Variants in SLC25A13 observed in about 807,000 individuals in gnomAD.
SLC25A13 encodes the protein electrogenic aspartate/glutamate antiporter SLC25A13, mitochondrial.
SLC25A13 carries 70 observed loss-of-function variants against 85.5 expected under a neutral mutation model. The ratio of observed to expected loss-of-function variants is 0.82; its 90% CI spans 0.68 to 1.00. The LOEUF (loss-of-function observed/expected upper bound fraction) is 1.00. Ranked by LOEUF, SLC25A13 falls within the 50% of genes least tolerant of loss-of-function variation. The pLI is 0.00. For missense variants in SLC25A13, 765 were observed against 819.8 expected, an observed-to-expected ratio of 0.93 and a Z score of 0.82; for synonymous variants, 259 against 288.7, an observed-to-expected ratio of 0.90 and a Z score of 1.04.
intron 3 of SLC25A13, among the ~76,000 whole-genome samples, chr7:96,274,556 T>C (rs1054913994): frequency 2.0e-5 from 3 of 152,354 alleles, no homozygotes; most frequent in Non-Finnish European, 1.5e-5. Flanking sequence ...CCATTGCTTT[T>C]GGTGTTTTAG....
At chr7:96,247,582 T>C (rs1047280019) in intron 3 of SLC25A13, among the ~76,000 whole-genome samples, 8 of 152,110 alleles carry the variant, frequency 5.3e-5, no homozygotes, top group Non-Finnish European at 1.5e-5. Flanking sequence ...TAATAAGGAC[T>C]AGGGAGAATG....
At chr7:96,181,965 G>A (rs947168033) in intron 11 of SLC25A13, among the ~76,000 whole-genome samples, 1 of 152,126 alleles carries the variant, frequency 6.6e-6, no homozygotes, top group African/African-American at 2.4e-5. Context: ...TGTACATAAA[G>A]GTGATAATAC....
chr7:96,246,605 T>A (rs750995755), intron 3 of SLC25A13, among the ~76,000 whole-genome samples: 1 of 152,224 alleles, frequency 6.6e-6, no homozygotes, highest in Non-Finnish European at 1.5e-5. Flanking sequence ...ATCAAAATTA[T>A]ACTGATTCCT....
intron 13 of SLC25A13, among the ~76,000 whole-genome samples, chr7:96,152,772 T>C (rs1224826379): frequency 6.6e-6 from 1 of 152,060 alleles, no homozygotes; most frequent in Non-Finnish European, 1.5e-5. Flanking sequence ...ACACCGGTGG[T>C]ACAGCAATCC....
At chr7:96,228,312 C>A (rs1796393643) in intron 4 of SLC25A13, among the ~76,000 whole-genome samples, 1 of 152,200 alleles carries the variant, frequency 6.6e-6, no homozygotes. Flanking sequence ...AAACATATAA[C>A]CCTCAGAGGT....
intron 13 of SLC25A13, among the ~76,000 whole-genome samples, chr7:96,163,397 C>T (rs1011704970): frequency 1.3e-5 from 2 of 152,184 alleles, no homozygotes; most frequent in Non-Finnish European, 2.9e-5. Context: ...TCCCGGTTGA[C>T]CCTTCAGATG....
At chr7:96,243,253 A>G (rs1040704709) in intron 3 of SLC25A13, among the ~76,000 whole-genome samples, 1 of 152,168 alleles carries the variant, frequency 6.6e-6, no homozygotes, top group Non-Finnish European at 1.5e-5. Context: ...GGTGTGAGCA[A>G]CCACACCGGC....
chr7:96,311,269 A>C (rs1280501463), intron 1 of SLC25A13, among the ~76,000 whole-genome samples: 1 of 152,224 alleles, frequency 6.6e-6, no homozygotes, highest in Non-Finnish European at 1.5e-5. Context: ...CACAAGAAAC[A>C]ACCAAGAATT....
At chr7:96,162,576 C>G (rs780437182) in intron 13 of SLC25A13, among the ~76,000 whole-genome samples, 6 of 151,890 alleles carry the variant, frequency 4.0e-5, no homozygotes, top group Non-Finnish European at 7.4e-5. Context: ...AAATGGAAAA[C>G]AAAACAAAAC....
intron 1 of SLC25A13, among the ~76,000 whole-genome samples, chr7:96,304,814 A>G (rs1162415500): frequency 6.6e-6 from 1 of 152,190 alleles, no homozygotes; most frequent in Non-Finnish European, 1.5e-5. Flanking sequence ...AGGAGAAAAC[A>G]CCCAATAAAT....
chr7:96,184,519 CTG>C, intron 10 of SLC25A13, 84 bp from the exon 11 acceptor site: 1 of 1,293,370 alleles, frequency 7.7e-7, no homozygotes, highest in Middle Eastern at 1.8e-4. Context: ...AAGGACAAGA[CTG>C]AGAAAAGAAA....
intron 4 of SLC25A13, among the ~76,000 whole-genome samples, chr7:96,222,391 A>G (rs6973045): frequency 4.6e-4 from 70 of 152,280 alleles, no homozygotes; most frequent in African/African-American, 1.7e-3. Flanking sequence ...ATCAGAACCA[A>G]TTCCCTTTCA....
intron 14 of SLC25A13, among the ~76,000 whole-genome samples, chr7:96,146,352 T>C (rs1792787533): frequency 6.6e-6 from 1 of 151,786 alleles, no homozygotes; most frequent in African/African-American, 2.4e-5. Context: ...CCTAGATTTG[T>C]GTATTGATGA....
intron 15 of SLC25A13, among the ~76,000 whole-genome samples, chr7:96,127,291 G>A (rs1791769292): frequency 2.0e-5 from 3 of 152,100 alleles, no homozygotes; most frequent in South Asian, 4.1e-4. Context: ...CAGGACCCCC[G>A]CTTCGGTCTT....
chr7:96,322,051 C>A lies in SLC25A13; in HGVS notation c.-95G>T. 1 of 1,424,336 alleles carries A rather than the reference C, an allele frequency of 7.0e-7. No homozygotes were observed. The highest frequency in any genetic ancestry group is 9.5e-7 in the Non-Finnish European group (1 of 1,055,144). The allele number at this position is 1,424,336 out of a possible 1,614,324, so 88.2% of individuals were successfully genotyped here. On this transcript the variant is annotated 5_prime_UTR_variant, in exon 1 of 18. Coordinates refer to ENST00000265631, the MANE Select transcript of SLC25A13 (RefSeq NM_014251.3). ...TCACTTCTAGTCCCGGCGGCGGCGG[C>A]GGTGGGGGCGGCGATACGGCCAGGC... is the stretch of plus-strand genomic sequence containing the variant.
intron 4 of SLC25A13, among the ~76,000 whole-genome samples, chr7:96,209,461 A>C (rs1795606438): frequency 2.0e-5 from 3 of 152,114 alleles, no homozygotes; most frequent in African/African-American, 4.8e-5. Context: ...TTAGGAAAAA[A>C]TTTGACACAC....
At chr7:96,262,753 A>G (rs1030362229) in intron 3 of SLC25A13, among the ~76,000 whole-genome samples, 3 of 152,202 alleles carry the variant, frequency 2.0e-5, no homozygotes, top group African/African-American at 7.2e-5. Flanking sequence ...CTATGCATAG[A>G]AAGTTTCATG....
chr7:96,262,058 A>G (rs1797874460), intron 3 of SLC25A13, among the ~76,000 whole-genome samples: 1 of 152,218 alleles, frequency 6.6e-6, no homozygotes, highest in Non-Finnish European at 1.5e-5. Context: ...CTTTCAGGAC[A>G]CATTCAAACT....
chr7:96,121,566 T>C, intron 17 of SLC25A13, 89 bp downstream of exon 17: 2 of 1,436,294 alleles, frequency 1.4e-6, no homozygotes, highest in African/African-American at 1.4e-5. Context: ...TCTATTTTAT[T>C]ATAGAGACTA....
Sources: gnomAD v4.1 joint callset for allele counts (sites outside exome capture counted in the v4.1 genomes callset) on GRCh38, gnomAD v4.1.1 for gene constraint, MANE v1.5 for transcripts, NCBI Gene and HGNC (gene_info 2026-07-23, HGNC 2026-07-21) for gene names.